The following CTNNA3 variants were observed in gnomAD, a reference collection of about 807,000 sequenced individuals.
CTNNA3 encodes the protein catenin alpha-3.
CTNNA3 carries 76 observed loss-of-function variants against 95.7 expected under a neutral mutation model. The observed-to-expected ratio is 0.79, with a 90% confidence interval of 0.66 to 0.96. CTNNA3 has a LOEUF of 0.96. Among genes scored for constraint, CTNNA3 ranks in the 40% least tolerant of loss-of-function variants. CTNNA3 has a pLI of 0.00. For synonymous variants in CTNNA3, 431 were observed against 374.4 expected (o/e 1.15, Z -1.74); for missense variants, 1,191 against 1,089.8 (o/e 1.09, Z -1.31).
intron 9 of CTNNA3, among the ~76,000 whole-genome samples, chr10:66,646,722 G>A (rs1487535269): frequency 6.6e-6 from 1 of 152,088 alleles, no homozygotes; most frequent in African/African-American, 2.4e-5. Flanking sequence ...CACTCACTGG[G>A]ATTCCCATCA....
intron 5 of CTNNA3, among the ~76,000 whole-genome samples, chr10:67,254,016 G>C (rs1866228394): frequency 6.6e-6 from 1 of 152,136 alleles, no homozygotes; most frequent in South Asian, 2.1e-4. Flanking sequence ...TGCATAGAGA[G>C]AGAGATTATT....
chr10:65,990,869 T>C (rs1162616289), intron 15 of CTNNA3, among the ~76,000 whole-genome samples: 1 of 152,062 alleles, frequency 6.6e-6, no homozygotes, highest in Non-Finnish European at 1.5e-5. Context: ...TCCCCAATGT[T>C]TTCTTCAAGC....
chr10:67,516,694 T>C (rs1839828256), intron 5 of CTNNA3, among the ~76,000 whole-genome samples: 1 of 152,224 alleles, frequency 6.6e-6, no homozygotes, highest in Non-Finnish European at 1.5e-5. Flanking sequence ...TGCTGTTTAT[T>C]AGGTCCCCAG....
At chr10:66,447,549 A>C (rs1410968979) in intron 11 of CTNNA3, among the ~76,000 whole-genome samples, 2 of 151,974 alleles carry the variant, frequency 1.3e-5, no homozygotes, top group Non-Finnish European at 2.9e-5. Context: ...ATCTTTGACA[A>C]ACCTGAAAAA....
At chr10:66,494,439 A>T (rs1840035432) in intron 11 of CTNNA3, among the ~76,000 whole-genome samples, 1 of 152,186 alleles carries the variant, frequency 6.6e-6, no homozygotes, top group African/African-American at 2.4e-5. Context: ...AAAATTTCCA[A>T]TATCATAAAT....
At chr10:67,225,946 G>T (rs886646398) in intron 5 of CTNNA3, among the ~76,000 whole-genome samples, 1 of 152,148 alleles carries the variant, frequency 6.6e-6, no homozygotes, top group Admixed American at 6.5e-5. Context: ...AGAGAAAGGT[G>T]AAACCTAATG....
intron 7 of CTNNA3, among the ~76,000 whole-genome samples, chr10:67,003,480 C>A (rs868106378): frequency 1.3e-5 from 2 of 152,178 alleles, no homozygotes; most frequent in Non-Finnish European, 2.9e-5. Context: ...AGATCGAATA[C>A]TTTTGGGAAA....
chr10:67,299,271 T>C (rs1840169376), intron 5 of CTNNA3, among the ~76,000 whole-genome samples: 2 of 152,014 alleles, frequency 1.3e-5, no homozygotes. Flanking sequence ...GGCCCTTTCT[T>C]ATCATAATAG....
intron 3 of CTNNA3, among the ~76,000 whole-genome samples, chr10:67,563,817 C>A (rs1257122107): frequency 1.1e-4 from 17 of 150,536 alleles, no homozygotes; most frequent in African/African-American, 4.2e-4. Context: ...ACAACCCCAT[C>A]AAAAAATGGG....
chr10:66,928,539 G>A (rs916945376), intron 7 of CTNNA3: 8 of 1,256,692 alleles, frequency 6.4e-6, no homozygotes, highest in African/African-American at 4.5e-5. Context: ...AAGGGAACGC[G>A]ATGCCCCCCC....
intron 15 of CTNNA3, among the ~76,000 whole-genome samples, chr10:65,992,333 C>T (rs538845732): frequency 5.2e-4 from 79 of 152,132 alleles, no homozygotes; most frequent in Middle Eastern, 3.4e-3. Flanking sequence ...GTTAGTTATT[C>T]TTTGTAAGTT....
chr10:67,648,937 AATCAT>A (rs899563570), intron 1 of CTNNA3, among the ~76,000 whole-genome samples: 1 of 152,186 alleles, frequency 6.6e-6, no homozygotes, highest in African/African-American at 2.4e-5. Flanking sequence ...TTGCTTTTTC[AATCAT>A]TTCACCTACC....
chr10:67,020,117 T>C (rs530163881), intron 7 of CTNNA3, among the ~76,000 whole-genome samples: 33 of 152,284 alleles, frequency 2.2e-4, no homozygotes, highest in African/African-American at 7.9e-4. Context: ...ATAAAAAACA[T>C]GTTGTCAAAA....
At chr10:66,389,951 A>T (rs2092923248) in intron 11 of CTNNA3, among the ~76,000 whole-genome samples, 1 of 152,096 alleles carries the variant, frequency 6.6e-6, no homozygotes, top group Non-Finnish European at 1.5e-5. Context: ...GCTCAGGCTG[A>T]TATCGACCTC....
At chr10:66,352,541 A>G (rs2092574804) in intron 12 of CTNNA3, among the ~76,000 whole-genome samples, 1 of 152,088 alleles carries the variant, frequency 6.6e-6, no homozygotes, top group Non-Finnish European at 1.5e-5. Context: ...CCTTGAACTC[A>G]GCTAAACCCA....
chr10:66,990,367 A>T (rs1850977927), intron 7 of CTNNA3, among the ~76,000 whole-genome samples: 1 of 152,126 alleles, frequency 6.6e-6, no homozygotes, highest in African/African-American at 2.4e-5. Context: ...AATTAACCAC[A>T]TCCTTGTTTC....
At chr10:67,608,492 G>A (rs569852031) in intron 2 of CTNNA3, among the ~76,000 whole-genome samples, 1 of 152,170 alleles carries the variant, frequency 6.6e-6, no homozygotes, top group South Asian at 2.1e-4. Flanking sequence ...GCCTTCTAGA[G>A]CATTCTTCGA....
chr10:66,795,014 C>T (rs1196183553), intron 7 of CTNNA3, among the ~76,000 whole-genome samples: 1 of 152,120 alleles, frequency 6.6e-6, no homozygotes, highest in Non-Finnish European at 1.5e-5. Context: ...CCACCACATC[C>T]TCAGTTACTT....
At chr10:66,448,726 T>C (rs1192442095) in intron 11 of CTNNA3, among the ~76,000 whole-genome samples, 1 of 152,018 alleles carries the variant, frequency 6.6e-6, no homozygotes, top group Non-Finnish European at 1.5e-5. Flanking sequence ...TATCTGATGT[T>C]AAATGACGAG....
Sources: gnomAD v4.1 joint callset for allele counts (sites outside exome capture counted in the v4.1 genomes callset) on GRCh38, gnomAD v4.1.1 for gene constraint, MANE v1.5 for transcripts, NCBI Gene and HGNC (gene_info 2026-07-23, HGNC 2026-07-21) for gene names.